Variants in THSD4 observed in about 807,000 individuals in gnomAD.
THSD4 encodes the protein thrombospondin type-1 domain-containing protein 4.
Under a neutral mutation model 119.0 loss-of-function variants are expected in THSD4, and 69 were observed. The ratio of observed to expected loss-of-function variants is 0.58; its 90% CI spans 0.48 to 0.71. The LOEUF (loss-of-function observed/expected upper bound fraction) is 0.71. THSD4 is among the 30% of genes least tolerant of loss of function. The pLI is 0.00. For missense variants in THSD4, 1,393 were observed against 1,391.1 expected, an observed-to-expected ratio of 1.00 and a Z score of -0.02; for synonymous variants, 524 against 540.4, an observed-to-expected ratio of 0.97 and a Z score of 0.42.
At chr15:71,446,615 G>A (rs566478234) in intron 7 of THSD4, among the ~76,000 whole-genome samples, 1 of 152,242 alleles carries the variant, frequency 6.6e-6, no homozygotes, top group South Asian at 2.1e-4. Context: ...CCAATGCAAA[G>A]GCTTAAACAC....
At position 71,566,148 on chromosome 15, in the gene THSD4, CTTTTTTTCT is replaced by C. The variant is rs932539800; in HGVS notation, c.1153-94374_1153-94366del. ...TTTTCTTTCTTTCTTTTTTCTTTTT[CTTTTTTTCT>C]TTTTTTTTTTTTGCTGAAATTCGGT... On this transcript the variant is annotated intron_variant, in intron 7 of 17. Coordinates refer to ENST00000261862, the MANE Select transcript of THSD4 (RefSeq NM_024817.3). 1.1e-4 allele frequency among the ~76,000 whole-genome samples: 5 copies of C among 45,386 alleles called. No individual in the cohort carries two copies. In the East Asian group the frequency reaches 2.5e-3, roughly 22 times the overall value. 29.8% of individuals were successfully genotyped at this position (45,386 alleles called of 152,430 possible). A position where few individuals can be genotyped will look rare whatever the true frequency, so the allele number is the denominator to read the frequency against.
intron 14 of THSD4, among the ~76,000 whole-genome samples, chr15:71,754,814 C>A (rs2053510060): frequency 9.9e-6 from 1 of 100,548 alleles, no homozygotes; most frequent in Non-Finnish European, 2.6e-5. Flanking sequence ...AAGTGACAAC[C>A]CCAGAGAAGC....
upstream of THSD4, chr15:71,112,191 T>G (rs1397168189): frequency 6.2e-7 from 1 of 1,613,638 alleles, no homozygotes; most frequent in East Asian, 2.2e-5. Context: ...ACAGGAGAAA[T>G]GGCTGAATGT....
At chr15:71,338,298 C>T (rs2045513972) in intron 6 of THSD4, among the ~76,000 whole-genome samples, 1 of 134,582 alleles carries the variant, frequency 7.4e-6, no homozygotes. Flanking sequence ...AGCTTCTTTC[C>T]GAACACTCAG....
At chr15:71,318,913 C>A (rs2045227759) in intron 6 of THSD4, among the ~76,000 whole-genome samples, 1 of 152,204 alleles carries the variant, frequency 6.6e-6, no homozygotes, top group Admixed American at 6.5e-5. Flanking sequence ...CAGTACGATT[C>A]TCCTAGCTTG....
At position 71,470,051 on chromosome 15, in the gene THSD4, G is replaced by C. The variant is rs576415426; in HGVS notation, c.1152+58228G>C. Among the ~76,000 whole-genome samples, 297 of 152,292 alleles carry C rather than the reference G, an allele frequency of 2.0e-3. 17 individuals are homozygous for C. In the South Asian group the frequency reaches 0.06, roughly 31 times the overall value. ...AGGCAGAGGAGCCGATTTATGCAAA[G>C]GTGTAAAGGCATGAAACAATCTCAC... On this transcript the variant is annotated intron_variant, in intron 7 of 17. Coordinates refer to ENST00000261862, the MANE Select transcript of THSD4 (RefSeq NM_024817.3).
intron 6 of THSD4, among the ~76,000 whole-genome samples, chr15:71,320,866 G>A (rs944323332): frequency 1.3e-5 from 2 of 151,980 alleles, no homozygotes; most frequent in African/African-American, 2.4e-5. Context: ...TTCTCAAATT[G>A]AGCTAGTCTT....
At chr15:71,522,331 A>C (rs145331516) in intron 7 of THSD4, among the ~76,000 whole-genome samples, 237 of 152,304 alleles carry the variant, frequency 1.6e-3, no homozygotes, top group Non-Finnish European at 2.6e-3. Context: ...ATTAGCCAAC[A>C]TATTTTACTG....
intron 6 of THSD4, among the ~76,000 whole-genome samples, chr15:71,300,788 A>G (rs1026657395): frequency 1.3e-5 from 2 of 152,240 alleles, no homozygotes; most frequent in Non-Finnish European, 2.9e-5. Context: ...AGAAATTACA[A>G]GCAAGATAAA....
chr15:71,398,430 T>C (rs1292898849), intron 6 of THSD4, among the ~76,000 whole-genome samples: 1 of 151,974 alleles, frequency 6.6e-6, no homozygotes, highest in Admixed American at 6.6e-5. Flanking sequence ...GGCAGGAAAC[T>C]TGGAGTCAGG....
At chr15:71,224,842 T>C (rs1373420871) in intron 4 of THSD4, among the ~76,000 whole-genome samples, 2 of 152,168 alleles carry the variant, frequency 1.3e-5, no homozygotes, top group Non-Finnish European at 2.9e-5. Context: ...ACCCTTGTGA[T>C]TACACTGGAC....
intron 6 of THSD4, among the ~76,000 whole-genome samples, chr15:71,375,266 A>C (rs2046117565): frequency 6.6e-6 from 1 of 152,220 alleles, no homozygotes; most frequent in South Asian, 2.1e-4. Context: ...TGTGTGCGAA[A>C]GGGAAATAGC....
intron 7 of THSD4, among the ~76,000 whole-genome samples, chr15:71,484,930 A>G (rs1200252847): frequency 2.6e-5 from 4 of 152,234 alleles, no homozygotes; most frequent in Non-Finnish European, 5.9e-5. Context: ...TCTCAGAGGC[A>G]GACATCTGGT....
chr15:71,335,267 G>A (rs964450744), intron 6 of THSD4, among the ~76,000 whole-genome samples: 1 of 152,142 alleles, frequency 6.6e-6, no homozygotes, highest in Admixed American at 6.5e-5. Flanking sequence ...TCTGCTTTTA[G>A]TTGAGGGCTC....
At chr15:71,490,230 G>A (rs908336751) in intron 7 of THSD4, among the ~76,000 whole-genome samples, 2 of 151,664 alleles carry the variant, frequency 1.3e-5, no homozygotes, top group African/African-American at 4.8e-5. Flanking sequence ...TTCGAGACCA[G>A]TCTGGCCAAC....
intron 7 of THSD4, among the ~76,000 whole-genome samples, chr15:71,600,840 G>A (rs529602297): frequency 6.6e-6 from 1 of 151,160 alleles, no homozygotes; most frequent in East Asian, 1.9e-4. Flanking sequence ...TCCACCTCCC[G>A]GGTTCAAACG....
At chr15:71,215,536 C>G (rs2043925768) in intron 4 of THSD4, 137 bp downstream of exon 4, 1 of 932,638 alleles carries the variant, frequency 1.1e-6, no homozygotes, top group South Asian at 2.2e-5. Flanking sequence ...GCAAGGAGCT[C>G]TGGGCTCCAC....
At chr15:71,527,897 G>A (rs143238875) in intron 7 of THSD4, among the ~76,000 whole-genome samples, 24 of 151,828 alleles carry the variant, frequency 1.6e-4, no homozygotes, top group African/African-American at 5.8e-4. Flanking sequence ...ATTTTTTGTA[G>A]AGACAGTGTC....
At chr15:71,182,471 G>GA (rs2043541747) in intron 3 of THSD4, among the ~76,000 whole-genome samples, 1 of 151,612 alleles carries the variant, frequency 6.6e-6, no homozygotes, top group African/African-American at 2.4e-5. Flanking sequence ...ATGGTTCTAA[G>GA]AAAAAATGAG....
Sources: gnomAD v4.1 joint callset for allele counts (sites outside exome capture counted in the v4.1 genomes callset) on GRCh38, gnomAD v4.1.1 for gene constraint, MANE v1.5 for transcripts, NCBI Gene and HGNC (gene_info 2026-07-23, HGNC 2026-07-21) for gene names.